The following PGP variants were observed in gnomAD, a reference collection of about 807,000 sequenced individuals.
PGP encodes aspartate-based ubiquitous Mg(2+)-dependent phosphatase.
PGP carries 9 observed loss-of-function variants against 19.3 expected under a neutral mutation model. The ratio of observed to expected loss-of-function variants is 0.47; its 90% confidence interval spans 0.28 to 0.81. The LOEUF (loss-of-function observed/expected upper bound fraction) is 0.81. Ranked by LOEUF, PGP falls within the 40% of genes least tolerant of loss-of-function variation. The pLI, the probability that PGP is intolerant of heterozygous loss-of-function variation, is 0.11. For missense variants in PGP, 403 were observed against 479.9 expected (o/e 0.84, Z 1.50); for synonymous variants, 308 against 226.8 (o/e 1.36, Z -3.22).
chr16:2,214,501 CG>C lies in PGP; in HGVS notation c.276del (p.Gly93AlafsTer87). ...RRLGFGGPAG[P>X]GASLEVFGTA... Reference sequence around the variant, plus strand: ...GTGCCGAAGACCTCCAGGCTGGCGCCGGGCCCCGCGGGGCCGCCGAAGCCCA... The same window carrying C: ...GTGCCGAAGACCTCCAGGCTGGCGCCGGCCCCGCGGGGCCGCCGAAGCCCA... On this transcript the variant is annotated frameshift_variant, in exon 1 of 2. Coordinates refer to ENST00000333503, the MANE Select transcript of PGP (RefSeq NM_001042371.3). LOFTEE classifies it high-confidence loss of function. This position sits in a 1 kb window ranked among gnomAD's most constrained non-coding sequence, Gnocchi z 7.1. The C allele has an allele frequency of 7.1e-7, 1 of 1,416,702 alleles. No homozygotes were observed. The highest frequency in any genetic ancestry group is 9.2e-7 in the Non-Finnish European group (1 of 1,089,742). The allele number at this position is 1,416,702 out of a possible 1,614,324, so 87.8% of individuals were successfully genotyped here.
Position 2,212,680 on chromosome 16 carries a change from C to T in PGP, c.*1048G>A, listed in dbSNP as rs138025721. 7.3e-3 allele frequency: 7,220 copies of T among 985,496 alleles called. 29 individuals are homozygous for T. The highest frequency in any genetic ancestry group is 0.037 in the Middle Eastern group (71 of 1,914). 61.0% of individuals were successfully genotyped at this position (985,496 alleles called of 1,614,324 possible). A position where few individuals can be genotyped will look rare whatever the true frequency, so the allele number is the denominator to read the frequency against. On this transcript the variant is annotated 3_prime_UTR_variant, in exon 2 of 2. Coordinates refer to ENST00000333503, the MANE Select transcript of PGP (RefSeq NM_001042371.3). ...TTCCTGTTCTTGGGGACATAACTCT[C>T]GTCCCCTCCCAGAGCCCTGGATGAC...
rs2093382959 is a variant in PGP, at chr16:2,214,442, G to T, written c.336C>A (p.Arg112=). ...AYCTALYLRQ[R]LAGAPAPKAY... ...CCTTGGGCGCGGGGGCGCCGGCCAG[G>T]CGCTGGCGCAGGTAGAGCGCGGTGC... Residue 112 remains arginine, a synonymous_variant, in exon 1 of 2, where the codon CGC becomes CGA. Coordinates refer to ENST00000333503, the MANE Select transcript of PGP (RefSeq NM_001042371.3). The surrounding 1 kb of genome is among the most constrained non-coding windows in gnomAD (Gnocchi z 7.1). The T allele has an allele frequency of 4.5e-6, 6 of 1,332,156 alleles. No homozygotes were observed. The highest frequency in any genetic ancestry group is 5.7e-6 in the Non-Finnish European group (6 of 1,050,330). 82.5% of individuals were successfully genotyped at this position (1,332,156 alleles called of 1,614,324 possible). A position where few individuals can be genotyped will look rare whatever the true frequency, so the allele number is the denominator to read the frequency against.
Position 2,213,623 on chromosome 16 carries a change from T to C in PGP, c.*105A>G. The C allele has an allele frequency of 2.6e-6, 3 of 1,158,570 alleles. No homozygotes were observed. Among genetic ancestry groups the C allele is most frequent in the Non-Finnish European group, 2.4e-6 (2 of 846,464 alleles). The allele number at this position is 1,158,570 out of a possible 1,614,324, so 71.8% of individuals were successfully genotyped here. ...CCTTTGCTTAACTCCAATTACACTC[T>C]TTGAAGCCACTTAGCCGAGCAGATG... On this transcript the variant is annotated 3_prime_UTR_variant, in exon 2 of 2. Transcript: ENST00000333503.
rs2093383516 is a variant in PGP, at chr16:2,214,703, C to G, written c.75G>C (p.Leu25=). Residue 25 remains leucine (L), a synonymous_variant, in exon 1 of 2, where the codon CTG becomes CTC. Coordinates refer to ENST00000333503, the MANE Select transcript of PGP (RefSeq NM_001042371.3). The surrounding 1 kb of genome is among the most constrained non-coding windows in gnomAD (Gnocchi z 7.1). The part of the protein sequence containing the change: ...RLSAERAQAL[L]ADVDTLLFDC... ...CGAACAGCAGCGTGTCCACGTCGGC[C>G]AGCAGCGCCTGTGCCCGCTCGGCGC... 1.1e-5 allele frequency: 15 copies of G among 1,395,136 alleles called. No individual in the cohort carries two copies. The highest frequency in any genetic ancestry group is 1.5e-5 in the African/African-American group (1 of 66,142). The allele number at this position is 1,395,136 out of a possible 1,614,324, so 86.4% of individuals were successfully genotyped here. A position where few individuals can be genotyped will look rare whatever the true frequency, so the allele number is the denominator to read the frequency against.
rs1025656762 is a variant in PGP, at chr16:2,212,311, G to A, written c.*1417C>T. 3 of 986,108 alleles carry A rather than the reference G, an allele frequency of 3.0e-6. No homozygotes were observed. Among genetic ancestry groups the A allele is most frequent in the Non-Finnish European group, 3.6e-6 (3 of 830,186 alleles). 61.1% of individuals were successfully genotyped at this position (986,108 alleles called of 1,614,324 possible). A position where few individuals can be genotyped will look rare whatever the true frequency, so the allele number is the denominator to read the frequency against. ...TCAGGACGCCTCTTATTGCTCTGAA[G>A]TCTTTGTGACCAAGTGGAGTGCTGT... On this transcript the variant is annotated 3_prime_UTR_variant, in exon 2 of 2. Transcript: ENST00000333503.
In PGP at chr16:2,212,366, G is replaced by A. The variant is rs1481953008; in HGVS notation, c.*1362C>T. On this transcript the variant is annotated 3_prime_UTR_variant, in exon 2 of 2. Transcript: ENST00000333503. ...GTGGGGCCAAGAGAGAAGCTGCCAG[G>A]TACAGGGAAAGGCGCTGGTAGGGAG... 14 of 986,028 alleles carry A rather than the reference G, an allele frequency of 1.4e-5. 1 individual carries two copies. The highest frequency in any genetic ancestry group is 5.2e-4 in the Middle Eastern group (1 of 1,938). 61.1% of individuals were successfully genotyped at this position (986,028 alleles called of 1,614,324 possible). A position where few individuals can be genotyped will look rare whatever the true frequency, so the allele number is the denominator to read the frequency against.
rs897681972 is a variant in PGP at position 2,211,785 on chromosome 16, C to T, written c.*1943G>A. 1.0e-6 allele frequency: 1 copy of T among 985,638 alleles called. No homozygotes were observed. The allele number at this position is 985,638 out of a possible 1,614,324, so 61.1% of individuals were successfully genotyped here. A position where few individuals can be genotyped will look rare whatever the true frequency, so the allele number is the denominator to read the frequency against. ...ACACGGCAGCCCACCAGCTTCACTC[C>T]AGGGCCCTTTGCTTCCCTGGCTTCC... On this transcript the variant is annotated 3_prime_UTR_variant, in exon 2 of 2. Transcript: ENST00000333503.
At position 2,212,490 on chromosome 16, in the gene PGP, G is replaced by T; in HGVS notation, c.*1238C>A. ...CAAGGAGCAGGCAGGAGAGGCTGGA[G>T]CCCCGCCCAGAACCTTGGCGAGCTG... is the stretch of plus-strand genomic sequence containing the variant. On this transcript the variant is annotated 3_prime_UTR_variant, in exon 2 of 2. Transcript: ENST00000333503. 1.0e-6 allele frequency: 1 copy of T among 985,594 alleles called. No individual in the cohort carries two copies. 61.1% of individuals were successfully genotyped at this position (985,594 alleles called of 1,614,324 possible). A position where few individuals can be genotyped will look rare whatever the true frequency, so the allele number is the denominator to read the frequency against.
At position 2,213,036 on chromosome 16, in the gene PGP, G is replaced by A. The variant is rs1210561783; in HGVS notation, c.*692C>T. The A allele has an allele frequency of 4.1e-6, 4 of 985,416 alleles. No individual in the cohort carries two copies. The highest frequency in any genetic ancestry group is 4.8e-6 in the Non-Finnish European group (4 of 829,966). 61.0% of individuals were successfully genotyped at this position (985,416 alleles called of 1,614,324 possible). A position where few individuals can be genotyped will look rare whatever the true frequency, so the allele number is the denominator to read the frequency against. ...CACCTGGGTATAAATGCACACTTGA[G>A]ACAGCAGAGCTTTAGCTGGGCTGCG... On this transcript the variant is annotated 3_prime_UTR_variant, in exon 2 of 2. Coordinates refer to ENST00000333503, the MANE Select transcript of PGP (RefSeq NM_001042371.3).
chr16:2,213,552 A>C lies in PGP; in HGVS notation c.*176T>G. 1.4e-6 allele frequency: 1 copy of C among 693,356 alleles called. No individual in the cohort carries two copies. The highest frequency in any genetic ancestry group is 3.9e-5 in the Admixed American group (1 of 25,620). 43.0% of individuals were successfully genotyped at this position (693,356 alleles called of 1,614,324 possible). A position where few individuals can be genotyped will look rare whatever the true frequency, so the allele number is the denominator to read the frequency against. ...CATCTTCGATTACAAGCATCTGTAA[A>C]CAAAATCGTCCCCCAAACGTGTACT... is the stretch of plus-strand genomic sequence containing the variant. On this transcript the variant is annotated 3_prime_UTR_variant, in exon 2 of 2. Coordinates refer to ENST00000333503, the MANE Select transcript of PGP (RefSeq NM_001042371.3).
Position 2,212,022 on chromosome 16 carries a change from C to T in PGP, c.*1706G>A. On this transcript the variant is annotated 3_prime_UTR_variant, in exon 2 of 2. Coordinates refer to ENST00000333503, the MANE Select transcript of PGP (RefSeq NM_001042371.3). Reference sequence around the variant, plus strand: ...TGGGTTTGAGAGTTTAATCTGTGCTCTGGCGCCCACAGTGCTGCAGCCCCT... The same window carrying T: ...TGGGTTTGAGAGTTTAATCTGTGCTTTGGCGCCCACAGTGCTGCAGCCCCT... The T allele has an allele frequency of 1.0e-6, 1 of 985,528 alleles. No individual in the cohort carries two copies. The highest frequency in any genetic ancestry group is 1.2e-6 in the Non-Finnish European group (1 of 829,962). 61.0% of individuals were successfully genotyped at this position (985,528 alleles called of 1,614,324 possible).
Position 2,213,252 on chromosome 16 carries a change from C to G in PGP, c.*476G>C. ...CCCACCCTGCTGGGAGGCACAGGGA[C>G]ACAGAAGGCTCCGCTGGACTTTCAG... On this transcript the variant is annotated 3_prime_UTR_variant, in exon 2 of 2. Transcript: ENST00000333503. 7.1e-6 allele frequency: 7 copies of G among 986,016 alleles called. No individual in the cohort carries two copies. Among genetic ancestry groups the G allele is most frequent in the Non-Finnish European group, 8.4e-6 (7 of 830,180 alleles). The allele number at this position is 986,016 out of a possible 1,614,324, so 61.1% of individuals were successfully genotyped here. A position where few individuals can be genotyped will look rare whatever the true frequency, so the allele number is the denominator to read the frequency against.
At position 2,211,923 on chromosome 16, in the gene PGP, G is replaced by A; in HGVS notation, c.*1805C>T. On this transcript the variant is annotated 3_prime_UTR_variant, in exon 2 of 2. Transcript: ENST00000333503. ...GGAACCCCAGTTACCCATCTACTTT[G>A]AGTCCTCCCACCCGTGGTGAGACGG... The A allele has an allele frequency of 2.0e-6, 2 of 985,488 alleles. No homozygotes were observed. Among genetic ancestry groups the A allele is most frequent in the Non-Finnish European group, 2.4e-6 (2 of 829,972 alleles). The allele number at this position is 985,488 out of a possible 1,614,324, so 61.0% of individuals were successfully genotyped here.
rs1003979338 is a variant in PGP at position 2,213,977 on chromosome 16, G to A, written c.717C>T (p.Phe239=). The part of the protein sequence containing the change: ...QADIIGKPSR[F]IFDCVSQEYG... The stretch of plus-strand genomic sequence containing the variant: ...ATTCCTGGGACACGCAGTCGAAAAT[G>A]AAGCGGCTGGGCTTCCCGATGATGT... Residue 239 remains phenylalanine, a synonymous_variant, in exon 2 of 2, where the codon TTC becomes TTT. Coordinates refer to ENST00000333503, the MANE Select transcript of PGP (RefSeq NM_001042371.3). 3.1e-6 allele frequency: 5 copies of A among 1,610,250 alleles called. No individual in the cohort carries two copies. The African/African-American group carries it at 4.0e-5, about 13-fold the overall frequency.
chr16:2,213,488 C>T lies in PGP; in HGVS notation c.*240G>A. 1 of 685,694 alleles carries T rather than the reference C, an allele frequency of 1.5e-6. No individual in the cohort carries two copies. The highest frequency in any genetic ancestry group is 2.1e-6 in the Non-Finnish European group (1 of 484,086). 42.5% of individuals were successfully genotyped at this position (685,694 alleles called of 1,614,324 possible). On this transcript the variant is annotated 3_prime_UTR_variant, in exon 2 of 2. Transcript: ENST00000333503. ...TGCCCCTGCCAACCCCACCCAAGGC[C>T]CAGAACCCAGCCCACAACGCCTTCC...
rs554544871 is a variant in PGP at position 2,212,563 on chromosome 16, A to G, written c.*1165T>C. 3.0e-6 allele frequency: 3 copies of G among 985,526 alleles called. No homozygotes were observed. Among genetic ancestry groups the G allele is most frequent in the South Asian group, 9.4e-5 (2 of 21,292 alleles). 61.0% of individuals were successfully genotyped at this position (985,526 alleles called of 1,614,324 possible). A position where few individuals can be genotyped will look rare whatever the true frequency, so the allele number is the denominator to read the frequency against. ...GCCACTGAAGAGGGAATCCAGGGCAAGGCAGGTGACCTCCTGGGCCACCAG... is the reference window on the plus strand; with the variant it reads ...GCCACTGAAGAGGGAATCCAGGGCAGGGCAGGTGACCTCCTGGGCCACCAG... On this transcript the variant is annotated 3_prime_UTR_variant, in exon 2 of 2. Transcript: ENST00000333503.
At position 2,214,104 on chromosome 16, in the gene PGP, C is replaced by T; in HGVS notation, c.640+34G>A. The T allele has an allele frequency of 6.5e-7, 1 of 1,536,942 alleles. No individual in the cohort carries two copies. The highest frequency in any genetic ancestry group is 8.7e-7 in the Non-Finnish European group (1 of 1,149,784). The stretch of plus-strand genomic sequence containing the variant: ...AAGGGCAGGGAGGGGGCCCGCCGCC[C>T]GCCCCCCAGCCTCCCGCCCCAGGGC... On this transcript the variant is annotated intron_variant, in intron 1 of 1. Coordinates refer to ENST00000333503, the MANE Select transcript of PGP (RefSeq NM_001042371.3). The surrounding 1 kb of genome is among the most constrained non-coding windows in gnomAD (Gnocchi z 7.1).
Position 2,214,192 on chromosome 16 carries a change from C to A in PGP, c.586G>T (p.Val196Leu). The A allele has an allele frequency of 1.9e-6, 3 of 1,596,044 alleles. No homozygotes were observed. The highest frequency in any genetic ancestry group is 2.2e-5 in the East Asian group (1 of 44,790). The change falls in exon 1 of 2, where the codon GTG becomes TTG. Residue 196 changes from valine to leucine, a missense_variant. Transcript: ENST00000333503. This position sits in a 1 kb window ranked among gnomAD's most constrained non-coding sequence, Gnocchi z 7.1. ...AGCCGGTTGTCCATGTTGGTGCCCA[C>A]GAGCAGGCAGCCGGGCTGCTGCAGG... ...RYLQQPGCLLVGTNMDNRLPL... is the reference protein window; with the variant it reads ...RYLQQPGCLLLGTNMDNRLPL...
At position 2,211,737 on chromosome 16, in the gene PGP, T is replaced by C. The variant is rs2093375917; in HGVS notation, c.*1991A>G. 1 of 985,404 alleles carries C rather than the reference T, an allele frequency of 1.0e-6. No individual in the cohort carries two copies. Among genetic ancestry groups the C allele is most frequent in the Non-Finnish European group, 1.2e-6 (1 of 829,998 alleles). The allele number at this position is 985,404 out of a possible 1,614,324, so 61.0% of individuals were successfully genotyped here. ...CCGGGCCAGCATTACTTCTGAGCTCTGCTCCCTGCCCTGGGCGCTCTGACA... is the reference window on the plus strand; with the variant it reads ...CCGGGCCAGCATTACTTCTGAGCTCCGCTCCCTGCCCTGGGCGCTCTGACA... On this transcript the variant is annotated 3_prime_UTR_variant, in exon 2 of 2. Transcript: ENST00000333503.
Sources: gnomAD v4.1 joint callset for allele counts on GRCh38, gnomAD v4.1.1 for gene constraint, Gnocchi (gnomAD v3.1) non-coding constraint, MANE v1.5 for transcripts, NCBI Gene and HGNC (gene_info 2026-07-23, HGNC 2026-07-21) for gene names.